CSMD2: variants seen among roughly 807,000 people sequenced by gnomAD.
CSMD2 encodes CUB and Sushi multiple domains 2.
A neutral mutation model predicts 398.5 loss-of-function variants in CSMD2; 130 were observed. The observed-to-expected ratio is 0.33, with a 90% CI of 0.28 to 0.38. CSMD2 has a LOEUF of 0.38. Ranked by LOEUF, CSMD2 falls within the 10% of genes least tolerant of loss-of-function variation. CSMD2 has a pLI of 1.00. For missense variants in CSMD2, 3,829 were observed against 4,764.9 expected (o/e 0.80, Z 5.78); for synonymous variants, 1,828 against 1,908.5 (o/e 0.96, Z 1.10).
rs114746018 is a variant in CSMD2 at position 33,634,340 on chromosome 1, C to T, written c.5087-805G>A. Among the ~76,000 whole-genome samples the T allele has an allele frequency of 3.5e-3, 532 of 152,334 alleles. 3 individuals carry two copies. Among genetic ancestry groups the T allele is most frequent in the Non-Finnish European group, 5.6e-3 (383 of 68,028 alleles). On this transcript the variant is annotated intron_variant, in intron 31 of 70. Coordinates refer to ENST00000373381, the MANE Select transcript of CSMD2 (RefSeq NM_001281956.2). ...GGGTGCTTACTAAATGTTTGGCGAA[C>T]GCCTCAAGCATCAGGCCTTGCTCTG... is the stretch of plus-strand genomic sequence containing the variant.
chr1:33,632,552 G>A (rs1642525405), intron 32 of CSMD2, among the ~76,000 whole-genome samples: 1 of 152,034 alleles, frequency 6.6e-6, no homozygotes. Context: ...ATTAGAAAAT[G>A]AGATACCATT....
chr1:34,098,999 G>A (rs779286032), intron 1 of CSMD2, among the ~76,000 whole-genome samples: 13 of 152,130 alleles, frequency 8.5e-5, no homozygotes, highest in Non-Finnish European at 1.8e-4. Flanking sequence ...TACTTAGGGG[G>A]AAAAGTACTA....
intron 5 of CSMD2, among the ~76,000 whole-genome samples, chr1:33,858,843 G>A (rs1639284594): frequency 1.3e-5 from 2 of 152,232 alleles, no homozygotes; most frequent in Admixed American, 6.5e-5. Flanking sequence ...AGATGGGTGT[G>A]TGAGTACATG....
intron 5 of CSMD2, 105 bp downstream of exon 5, chr1:33,917,989 A>C: frequency 1.1e-6 from 1 of 949,056 alleles, no homozygotes; most frequent in Non-Finnish European, 1.6e-6. Context: ...GGAAGTGGCT[A>C]AGAGGCCTCT....
chr1:33,682,985 A>G (rs937580650), intron 25 of CSMD2, among the ~76,000 whole-genome samples: 1 of 151,918 alleles, frequency 6.6e-6, no homozygotes, highest in Non-Finnish European at 1.5e-5. Context: ...TTTGTATATT[A>G]TTATTCCTTC....
In CSMD2 at chr1:33,630,142, T is replaced by A. The variant is rs567930222; in HGVS notation, c.5200+3280A>T. On this transcript the variant is annotated intron_variant, in intron 32 of 70. Coordinates refer to ENST00000373381, the MANE Select transcript of CSMD2 (RefSeq NM_001281956.2). The stretch of plus-strand genomic sequence containing the variant: ...TTTCTATTGGTCCTATACACCTATA[T>A]CTACATCCATATTTACATCTATAGG... 2.0e-5 allele frequency among the ~76,000 whole-genome samples: 3 copies of A among 152,154 alleles called. No individual in the cohort carries two copies. The South Asian group carries it at 6.2e-4, about 32-fold the overall frequency.
At chr1:33,871,887 C>T (rs763971593) in intron 5 of CSMD2, among the ~76,000 whole-genome samples, 7 of 152,262 alleles carry the variant, frequency 4.6e-5, no homozygotes, top group Middle Eastern at 3.4e-3. Flanking sequence ...GATTACGGCA[C>T]GAGCCATCAT....
chr1:34,000,958 G>A (rs941086829), intron 3 of CSMD2, among the ~76,000 whole-genome samples: 4 of 151,442 alleles, frequency 2.6e-5, no homozygotes, highest in Non-Finnish European at 5.9e-5. Flanking sequence ...GGAGGAAAGG[G>A]AGTAGAAAGA....
intron 40 of CSMD2, among the ~76,000 whole-genome samples, chr1:33,611,844 A>ACTC (rs1244468776): frequency 6.6e-6 from 1 of 152,156 alleles, no homozygotes; most frequent in Non-Finnish European, 1.5e-5. Context: ...ATAGTAATAT[A>ACTC]CTCTTTCAAG....
At position 33,739,283 on chromosome 1, in the gene CSMD2, C is replaced by T. The variant is rs190988715; in HGVS notation, c.2225G>A (p.Arg742Gln). ...GCCCAGCTGGAGGCTGTCCCCAAAC[C>T]GTTTGCCATTTACTGGAACGCCAGG... ...PDPGVPVNGK[R>Q]FGDSLQLGSS... Residue 742 changes from arginine (R) to glutamine (Q), a missense_variant, in exon 15 of 71, where the codon CGG becomes CAG. Coordinates refer to ENST00000373381, the MANE Select transcript of CSMD2 (RefSeq NM_001281956.2). 6.2e-6 allele frequency: 10 copies of T among 1,614,098 alleles called. No individual in the cohort carries two copies. Among genetic ancestry groups the T allele is most frequent in the Non-Finnish European group, 8.5e-6 (10 of 1,179,974 alleles).
At position 34,044,835 on chromosome 1, in the gene CSMD2, T is replaced by A. The variant is rs1400902202; in HGVS notation, c.405-12129A>T. 2.0e-5 allele frequency among the ~76,000 whole-genome samples: 3 copies of A among 152,314 alleles called. No individual in the cohort carries two copies. In the East Asian group the frequency reaches 5.8e-4, roughly 29 times the overall value. On this transcript the variant is annotated intron_variant, in intron 2 of 70. Transcript: ENST00000373381. ...ATGAAAAAAGACATACCAATTGACC[T>A]TGGGAATAAAAGAGTAAATGTAAGC...
chr1:33,913,831 A>T (rs949472114), intron 5 of CSMD2, among the ~76,000 whole-genome samples: 2 of 151,928 alleles, frequency 1.3e-5, no homozygotes, highest in Non-Finnish European at 2.9e-5. Flanking sequence ...ATGGTTCTGG[A>T]GAGACTCAGA....
At chr1:33,864,037 C>A (rs1315948444) in intron 5 of CSMD2, 7 of 670,208 alleles carry the variant, frequency 1.0e-5, no homozygotes, top group South Asian at 2.0e-5. Flanking sequence ...CTCAACAATG[C>A]CATCAGCACT....
At chr1:34,050,488 C>T (rs997140754) in intron 2 of CSMD2, among the ~76,000 whole-genome samples, 2 of 152,142 alleles carry the variant, frequency 1.3e-5, no homozygotes, top group Non-Finnish European at 2.9e-5. Flanking sequence ...CTGGTCCTAC[C>T]ATGTGAACCC....
chr1:33,604,789 A>G (rs376025927), intron 42 of CSMD2, among the ~76,000 whole-genome samples: 3 of 150,124 alleles, frequency 2.0e-5, no homozygotes, highest in African/African-American at 7.3e-5. Flanking sequence ...TGATAGATCA[A>G]CTCAGGTCTC....
At chr1:34,088,690 C>A (rs1658203400) in intron 2 of CSMD2, among the ~76,000 whole-genome samples, 1 of 152,204 alleles carries the variant, frequency 6.6e-6, no homozygotes, top group African/African-American at 2.4e-5. Flanking sequence ...ACAAATAATA[C>A]ACCCTGTGCA....
intron 1 of CSMD2, among the ~76,000 whole-genome samples, chr1:34,156,691 CT>C (rs1192909720): frequency 6.6e-6 from 1 of 152,138 alleles, no homozygotes; most frequent in African/African-American, 2.4e-5. Flanking sequence ...CCCTTATTTT[CT>C]GTTCTAGATG....
chr1:33,981,917 G>A (rs1646183551), intron 3 of CSMD2, among the ~76,000 whole-genome samples: 1 of 152,210 alleles, frequency 6.6e-6, no homozygotes, highest in African/African-American at 2.4e-5. Flanking sequence ...GGAGGGCTGA[G>A]AAAGGGCAGA....
At chr1:33,777,461 C>T (rs11807226) in intron 12 of CSMD2, among the ~76,000 whole-genome samples, 4,427 of 152,256 alleles carry the variant, frequency 0.029, 85 homozygotes, top group African/African-American at 0.048. Flanking sequence ...AGACCACGGC[C>T]GCTGCCTTCC....
Sources: gnomAD v4.1 joint callset for allele counts (sites outside exome capture counted in the v4.1 genomes callset) on GRCh38, gnomAD v4.1.1 for gene constraint, MANE v1.5 for transcripts, NCBI Gene and HGNC (gene_info 2026-07-23, HGNC 2026-07-21) for gene names.